The following IQSEC1 variants were observed in gnomAD, a reference collection of about 807,000 sequenced individuals.
The protein encoded by IQSEC1 is IQ motif and Sec7 domain ArfGEF 1.
IQSEC1 carries 31 observed loss-of-function variants against 91.0 expected under a neutral mutation model. The observed-to-expected ratio is 0.34, with a 90% CI of 0.26 to 0.46. IQSEC1 has a LOEUF of 0.46. IQSEC1 is among the 20% of genes least tolerant of loss of function. The pLI is 1.00. For synonymous variants in IQSEC1, 699 were observed against 662.6 expected (o/e 1.05, Z -0.84); for missense variants, 1,388 against 1,575.6 (o/e 0.88, Z 2.02).
chr3:12,919,653 T>C (rs1190510857), intron 6 of IQSEC1, among the ~76,000 whole-genome samples: 1 of 152,250 alleles, frequency 6.6e-6, no homozygotes, highest in Non-Finnish European at 1.5e-5. Flanking sequence ...TTACAAATAG[T>C]GACAACCTTT....
chr3:13,170,822 A>C (rs2124999941), intron 1 of IQSEC1, among the ~76,000 whole-genome samples: 1 of 152,306 alleles, frequency 6.6e-6, no homozygotes, highest in Middle Eastern at 3.4e-3. Context: ...GCCTTGTGCT[A>C]GGCGCGGTGG....
rs182402851 is a variant in IQSEC1, at chr3:12,920,047, C to T, written c.2020+383G>A. The stretch of plus-strand genomic sequence containing the variant: ...ATGTATAATTACTTTCTACATGTGG[C>T]AAATGCTACTCATTCTCCATTTACA... On this transcript the variant is annotated intron_variant, in intron 6 of 13. Coordinates refer to ENST00000613206, the MANE Select transcript of IQSEC1 (RefSeq NM_001134382.3). 2.6e-5 allele frequency among the ~76,000 whole-genome samples: 4 copies of T among 152,326 alleles called. No homozygotes were observed. In the East Asian group the frequency reaches 7.7e-4, roughly 29 times the overall value.
intron 3 of IQSEC1, among the ~76,000 whole-genome samples, chr3:12,930,023 T>C (rs1395785059): frequency 2.0e-5 from 3 of 152,252 alleles, no homozygotes; most frequent in Non-Finnish European, 4.4e-5. Flanking sequence ...AGCGGCAAGC[T>C]GAGCTGCTGG....
chr3:13,105,128 G>A (rs898689039), intron 2 of IQSEC1, among the ~76,000 whole-genome samples: 1 of 152,208 alleles, frequency 6.6e-6, no homozygotes, highest in African/African-American at 2.4e-5. Flanking sequence ...GGCATTCAAG[G>A]TCTTTCATGG....
intron 1 of IQSEC1, among the ~76,000 whole-genome samples, chr3:12,982,600 G>A (rs1364366651): frequency 6.6e-6 from 1 of 152,224 alleles, no homozygotes; most frequent in African/African-American, 2.4e-5. Context: ...CATTTGCCTG[G>A]CCCCCGTGGG....
chr3:13,240,707 T>C (rs1695007308), intron 1 of IQSEC1, among the ~76,000 whole-genome samples: 1 of 152,178 alleles, frequency 6.6e-6, no homozygotes, highest in South Asian at 2.1e-4. Context: ...AGGACACCAG[T>C]ACCCAGTGCT....
chr3:13,070,786 A>G (rs452712), intron 1 of IQSEC1, among the ~76,000 whole-genome samples: 78,567 of 152,066 alleles, frequency 0.52, 20,541 homozygotes, highest in East Asian at 0.66. Flanking sequence ...CACAGAAAAG[A>G]AAGACAGTGA....
At position 12,924,381 on chromosome 3, in the gene IQSEC1, G is replaced by T. The variant is rs1247765428; in HGVS notation, c.1730+200C>A. Among the ~76,000 whole-genome samples, 1 of 152,142 alleles carries T rather than the reference G, an allele frequency of 6.6e-6. No individual in the cohort carries two copies. The highest frequency in any genetic ancestry group is 1.5e-5 in the Non-Finnish European group (1 of 67,992). On this transcript the variant is annotated intron_variant, in intron 4 of 13. Transcript: ENST00000613206. The surrounding 1 kb of genome is among the most constrained non-coding windows in gnomAD (Gnocchi z 6.3). Reference sequence around the variant, plus strand: ...TTCGCATGTGGGATGGTGCATTGGAGGGCAGGTGCCCACCTGCGTGCTGGG... The same window carrying T: ...TTCGCATGTGGGATGGTGCATTGGATGGCAGGTGCCCACCTGCGTGCTGGG...
At chr3:12,973,718 C>A (rs1258222257) in intron 1 of IQSEC1, among the ~76,000 whole-genome samples, 4 of 152,204 alleles carry the variant, frequency 2.6e-5, no homozygotes, top group Non-Finnish European at 5.9e-5. Context: ...AATATATACA[C>A]CTACTGTGTA....
At chr3:13,056,956 G>A (rs1388392039) in intron 1 of IQSEC1, among the ~76,000 whole-genome samples, 2 of 152,054 alleles carry the variant, frequency 1.3e-5, no homozygotes, top group Admixed American at 6.6e-5. Flanking sequence ...TACCTGTAAC[G>A]CATACATGTT....
intron 2 of IQSEC1, among the ~76,000 whole-genome samples, chr3:13,110,112 C>T (rs1706218363): frequency 6.6e-6 from 1 of 151,746 alleles, no homozygotes; most frequent in Non-Finnish European, 1.5e-5. Flanking sequence ...GAACTCCTGA[C>T]CTCAGGCAAT....
At chr3:12,966,171 C>T (rs867596389) in intron 1 of IQSEC1, among the ~76,000 whole-genome samples, 4 of 152,184 alleles carry the variant, frequency 2.6e-5, no homozygotes, top group Admixed American at 2.0e-4. Context: ...GACAGATGGT[C>T]TTGCAGCTGC....
intron 2 of IQSEC1, among the ~76,000 whole-genome samples, chr3:13,097,346 T>C (rs1408610670): frequency 6.6e-6 from 1 of 152,186 alleles, no homozygotes; most frequent in Non-Finnish European, 1.5e-5. Context: ...TTTCCCTCCC[T>C]GCTTCCAGAC....
chr3:13,160,109 T>G (rs1484204909), intron 2 of IQSEC1, among the ~76,000 whole-genome samples: 31 of 152,160 alleles, frequency 2.0e-4, no homozygotes, highest in Non-Finnish European at 4.6e-4. Context: ...ATCTTGCAAA[T>G]GTTTTGCCTC....
rs1694443499 is a variant in IQSEC1, at chr3:13,211,496, T to G, written c.273-47363A>C. The stretch of plus-strand genomic sequence containing the variant: ...ACTCAGGGTCTCGGCTCTTCAGGCA[T>G]CCACCCCCAAGTCCCCTTTTGGGAG... On this transcript the variant is annotated intron_variant, in intron 1 of 15. Transcript: ENST00000648114. This position sits in a 1 kb window ranked among gnomAD's most constrained non-coding sequence, Gnocchi z 5.3. 6.6e-6 allele frequency among the ~76,000 whole-genome samples: 1 copy of G among 151,510 alleles called. No individual in the cohort carries two copies. Among genetic ancestry groups the G allele is most frequent in the Non-Finnish European group, 1.5e-5 (1 of 67,874 alleles).
In IQSEC1 at chr3:12,924,760, GCA is replaced by G. The variant is rs1451930798; in HGVS notation, c.1569-20_1569-19del. 6.5e-7 allele frequency: 1 copy of G among 1,542,646 alleles called. No individual in the cohort carries two copies. The highest frequency in any genetic ancestry group is 1.9e-5 in the Admixed American group (1 of 52,956). ...CAGGCTTCCTGGGGTAGGACGAGAG[GCA>G]CACTCAGTCCCAGCTGCCCGGCCAC... On this transcript the variant is annotated intron_variant, in intron 3 of 13. Coordinates refer to ENST00000613206, the MANE Select transcript of IQSEC1 (RefSeq NM_001134382.3). This position sits in a 1 kb window ranked among gnomAD's most constrained non-coding sequence, Gnocchi z 6.3.
intron 1 of IQSEC1, among the ~76,000 whole-genome samples, chr3:13,025,936 C>T (rs926419202): frequency 1.3e-5 from 2 of 152,208 alleles, no homozygotes; most frequent in African/African-American, 2.4e-5. Flanking sequence ...CCTGAGCCCT[C>T]CCAGATCTCC....
At chr3:13,201,276 T>C (rs1267462657) in intron 1 of IQSEC1, among the ~76,000 whole-genome samples, 2 of 152,204 alleles carry the variant, frequency 1.3e-5, no homozygotes, top group African/African-American at 2.4e-5. Context: ...TTGTGTGCTG[T>C]TTCCAAGCTG....
At chr3:13,256,644 G>A (rs572279116) in intron 1 of IQSEC1, among the ~76,000 whole-genome samples, 1 of 152,354 alleles carries the variant, frequency 6.6e-6, no homozygotes, top group South Asian at 2.1e-4. Flanking sequence ...AAGTCACTGA[G>A]CAAGCGCTGG....
Sources: gnomAD v4.1 joint callset for allele counts (sites outside exome capture counted in the v4.1 genomes callset) on GRCh38, gnomAD v4.1.1 for gene constraint, Gnocchi (gnomAD v3.1) non-coding constraint, MANE v1.5 for transcripts, NCBI Gene and HGNC (gene_info 2026-07-23, HGNC 2026-07-21) for gene names.